Variants in SLIT2 observed in about 807,000 individuals in gnomAD.
SLIT2 encodes slit homolog 2 protein.
In SLIT2, 41 loss-of-function variants were observed where a neutral mutation model predicts 185.7. The ratio of observed to expected loss-of-function variants is 0.22; its 90% CI spans 0.17 to 0.29. The LOEUF (loss-of-function observed/expected upper bound fraction) is 0.29, where lower values mean the gene tolerates loss of function less well. Among genes scored for constraint, SLIT2 ranks in the 10% least tolerant of loss-of-function variants. The pLI, the probability that SLIT2 is intolerant of heterozygous loss-of-function variation, is 1.00. For missense variants in SLIT2, 1,571 were observed against 1,909.0 expected, an observed-to-expected ratio of 0.82 and a Z score of 3.30; for synonymous variants, 693 against 680.2, an observed-to-expected ratio of 1.02 and a Z score of -0.29.
At chr4:20,297,110 G>A (rs569592509) in intron 4 of SLIT2, among the ~76,000 whole-genome samples, 245 of 151,972 alleles carry the variant, frequency 1.6e-3, no homozygotes, top group African/African-American at 5.6e-3. Context: ...TCCTTAATTC[G>A]TATGCATTTC....
At chr4:20,342,404 TAA>T (rs1721029498) in intron 4 of SLIT2, among the ~76,000 whole-genome samples, 3 of 152,250 alleles carry the variant, frequency 2.0e-5, no homozygotes, top group East Asian at 3.9e-4. Flanking sequence ...ATATCTGGGA[TAA>T]TCAAAACCCA....
rs745418416 is a variant in SLIT2 at position 20,253,976 on chromosome 4, C to G, written c.161C>G (p.Pro54Arg). The change falls in exon 1 of 37, where the codon CCC (proline) becomes CGC (arginine). Residue 54 changes from proline to arginine, a missense_variant. Pro to Arg is a moderately radical substitution (Grantham distance 103, BLOSUM62 -2). Transcript: ENST00000504154. ...LALRSVPRNI[P>R]RNTERLDLNG... Reference sequence around the variant, plus strand: ...CTGCGCAGCGTGCCCAGGAATATCCCCCGCAACACCGAGAGACTGTGAGTA... The same window carrying G: ...CTGCGCAGCGTGCCCAGGAATATCCGCCGCAACACCGAGAGACTGTGAGTA... The G allele has an allele frequency of 3.1e-6, 5 of 1,603,018 alleles. No homozygotes were observed. In the South Asian group the frequency reaches 4.4e-5, roughly 14 times the overall value.
intron 18 of SLIT2, among the ~76,000 whole-genome samples, chr4:20,535,971 T>TA (rs1391157257): frequency 1.3e-5 from 2 of 152,226 alleles, no homozygotes; most frequent in African/African-American, 4.8e-5. Flanking sequence ...ACCTAGGCTA[T>TA]ATGGCACAGC....
intron 4 of SLIT2, among the ~76,000 whole-genome samples, chr4:20,446,321 A>G (rs142853002): frequency 4.7e-4 from 71 of 152,318 alleles, no homozygotes; most frequent in African/African-American, 1.4e-3. Flanking sequence ...GATCAGCTCA[A>G]TGTGATGTTA....
At position 20,519,277 on chromosome 4, in the gene SLIT2, A is replaced by G. The variant is rs1039757438; in HGVS notation, c.1059-105A>G. 8 of 677,160 alleles carry G rather than the reference A, an allele frequency of 1.2e-5. No individual in the cohort carries two copies. The Admixed American group carries it at 1.3e-4, about 11-fold the overall frequency. 41.9% of individuals were successfully genotyped at this position (677,160 alleles called of 1,614,324 possible). On this transcript the variant is annotated intron_variant, in intron 11 of 36. Transcript: ENST00000504154. ...TACTCAGCTATAACTTTTATGATGT[A>G]TTGATTGCCTACTAGCTTCCTGTAT...
chr4:20,520,165 A>T (rs1271919706), intron 12 of SLIT2, among the ~76,000 whole-genome samples: 1 of 152,178 alleles, frequency 6.6e-6, no homozygotes, highest in African/African-American at 2.4e-5. Context: ...AACACACAAT[A>T]GTCCTCAGAC....
intron 21 of SLIT2, among the ~76,000 whole-genome samples, chr4:20,545,182 G>A (rs1488292381): frequency 6.6e-6 from 1 of 152,048 alleles, no homozygotes; most frequent in East Asian, 1.9e-4. Flanking sequence ...ACGGCCACAT[G>A]TTTAATGTCC....
chr4:20,279,944 A>T (rs767226568), intron 4 of SLIT2, among the ~76,000 whole-genome samples: 3 of 152,116 alleles, frequency 2.0e-5, no homozygotes, highest in Non-Finnish European at 2.9e-5. Context: ...TTTTTGATGA[A>T]ATAGTTGGAA....
chr4:20,392,711 T>G (rs974771523), intron 4 of SLIT2, among the ~76,000 whole-genome samples: 3 of 152,072 alleles, frequency 2.0e-5, no homozygotes, highest in African/African-American at 7.2e-5. Flanking sequence ...TTTTTAAAAT[T>G]TTGTTAAAAA....
chr4:20,467,233 C>T (rs1382041879), intron 4 of SLIT2, among the ~76,000 whole-genome samples: 1 of 152,114 alleles, frequency 6.6e-6, no homozygotes, highest in Non-Finnish European at 1.5e-5. Flanking sequence ...TGGGCCGGTT[C>T]TGCCATGTTC....
At chr4:20,472,290 A>ATATATCTATATATT (rs1560452875) in intron 5 of SLIT2, among the ~76,000 whole-genome samples, 1 of 29,024 alleles carries the variant, frequency 3.4e-5, no homozygotes, top group Non-Finnish European at 5.1e-5. Flanking sequence ...ATATATAGAT[A>ATATATCTATATATT]TATAGATATA....
intron 4 of SLIT2, among the ~76,000 whole-genome samples, chr4:20,370,327 C>T (rs1017934600): frequency 6.6e-6 from 1 of 151,986 alleles, no homozygotes; most frequent in African/African-American, 2.4e-5. Flanking sequence ...TATCTTTTTC[C>T]TTGTCTTTCT....
At chr4:20,338,556 T>C (rs949758564) in intron 4 of SLIT2, among the ~76,000 whole-genome samples, 1 of 152,184 alleles carries the variant, frequency 6.6e-6, no homozygotes, top group African/African-American at 2.4e-5. Flanking sequence ...CAAGGAGCTA[T>C]GCAGCAAGGC....
chr4:20,264,818 T>C (rs1172291595), intron 3 of SLIT2, among the ~76,000 whole-genome samples: 1 of 151,928 alleles, frequency 6.6e-6, no homozygotes, highest in East Asian at 1.9e-4. Context: ...GAGACATACA[T>C]TACACACCTT....
intron 4 of SLIT2, among the ~76,000 whole-genome samples, chr4:20,328,340 T>C (rs1415534570): frequency 6.6e-6 from 1 of 152,082 alleles, no homozygotes; most frequent in Admixed American, 6.6e-5. Context: ...TATCTTTCAT[T>C]GCAAGTTGAA....
intron 4 of SLIT2, among the ~76,000 whole-genome samples, chr4:20,369,612 A>T (rs1231482150): frequency 1.3e-5 from 2 of 151,980 alleles, no homozygotes; most frequent in African/African-American, 2.4e-5. Context: ...TCCTCTTGGC[A>T]TGTTTCATCT....
chr4:20,572,368 T>C (rs1725682650), intron 29 of SLIT2, among the ~76,000 whole-genome samples: 1 of 152,226 alleles, frequency 6.6e-6, no homozygotes, highest in South Asian at 2.1e-4. Context: ...ATTAAGAAAG[T>C]AGGACTTCAG....
At chr4:20,404,395 C>A (rs1013488957) in intron 4 of SLIT2, among the ~76,000 whole-genome samples, 1 of 151,946 alleles carries the variant, frequency 6.6e-6, no homozygotes, top group African/African-American at 2.4e-5. Context: ...CCCTGATTCA[C>A]ATCTCTGCTC....
chr4:20,604,876 C>T (rs912394228), intron 33 of SLIT2, among the ~76,000 whole-genome samples: 10 of 151,546 alleles, frequency 6.6e-5, no homozygotes, highest in African/African-American at 2.2e-4. Flanking sequence ...TGCTCTGTCG[C>T]CCAGGCTAGA....
Sources: gnomAD v4.1 joint callset for allele counts (sites outside exome capture counted in the v4.1 genomes callset) on GRCh38, gnomAD v4.1.1 for gene constraint, MANE v1.5 for transcripts, NCBI Gene and HGNC (gene_info 2026-07-23, HGNC 2026-07-21) for gene names.